The following SESTD1 variants were observed in gnomAD, a reference collection of about 807,000 sequenced individuals.
SESTD1 encodes the protein SEC14 domain and spectrin repeat-containing protein 1.
In SESTD1, 43 loss-of-function variants were observed where a neutral mutation model predicts 101.7. The observed-to-expected ratio is 0.42, with a 90% confidence interval of 0.33 to 0.55. The LOEUF is 0.55. Among genes scored for constraint, SESTD1 ranks in the 20% least tolerant of loss-of-function variants. SESTD1 has a pLI of 0.07. For synonymous variants in SESTD1, 283 were observed against 286.8 expected, an observed-to-expected ratio of 0.99 and a Z score of 0.13; for missense variants, 647 against 815.1, an observed-to-expected ratio of 0.79 and a Z score of 2.51.
chr2:179,134,834 T>G (rs960706444), intron 9 of SESTD1, among the ~76,000 whole-genome samples: 1 of 152,194 alleles, frequency 6.6e-6, no homozygotes, highest in African/African-American at 2.4e-5. Flanking sequence ...TTAATATACT[T>G]TATAAAATTG....
intron 9 of SESTD1, among the ~76,000 whole-genome samples, chr2:179,133,667 A>G (rs189526144): frequency 6.6e-6 from 1 of 152,232 alleles, no homozygotes; most frequent in Admixed American, 6.5e-5. Flanking sequence ...TCTCTGCAGC[A>G]TAATATTATA....
intron 3 of SESTD1, among the ~76,000 whole-genome samples, chr2:179,182,666 A>C (rs2046135984): frequency 6.6e-6 from 1 of 152,172 alleles, no homozygotes; most frequent in African/African-American, 2.4e-5. Context: ...ACATTTTTTA[A>C]AATAAAAATA....
intron 1 of SESTD1, among the ~76,000 whole-genome samples, chr2:179,197,909 C>A (rs1272439008): frequency 6.6e-6 from 1 of 151,522 alleles, no homozygotes; most frequent in Non-Finnish European, 1.5e-5. Flanking sequence ...AACTAACGAG[C>A]AAAATAACCA....
chr2:179,259,816 C>A (rs1399725367), intron 1 of SESTD1, among the ~76,000 whole-genome samples: 1 of 152,158 alleles, frequency 6.6e-6, no homozygotes, highest in Non-Finnish European at 1.5e-5. Context: ...TAAGTGTTAT[C>A]TCATGTTACT....
intron 5 of SESTD1, among the ~76,000 whole-genome samples, chr2:179,151,820 T>C (rs937775668): frequency 1.3e-5 from 2 of 152,158 alleles, no homozygotes; most frequent in African/African-American, 4.8e-5. Flanking sequence ...TTTTCTAATG[T>C]TCCTTTGATT....
intron 1 of SESTD1, among the ~76,000 whole-genome samples, chr2:179,235,443 A>T (rs919256610): frequency 6.6e-6 from 1 of 152,242 alleles, no homozygotes. Flanking sequence ...TTCAAAATAA[A>T]ATAAATTTAG....
chr2:179,197,872 C>A (rs1434787034), intron 1 of SESTD1, among the ~76,000 whole-genome samples: 2 of 151,924 alleles, frequency 1.3e-5, no homozygotes, highest in Non-Finnish European at 2.9e-5. Flanking sequence ...ATTGTAAAGA[C>A]CATCGAGACT....
intron 9 of SESTD1, among the ~76,000 whole-genome samples, chr2:179,138,158 A>G (rs985394402): frequency 6.6e-6 from 1 of 152,202 alleles, no homozygotes; most frequent in Non-Finnish European, 1.5e-5. Flanking sequence ...TCTCGTTACC[A>G]TCATCACCAT....
At chr2:179,206,631 C>G (rs1334729754) in intron 1 of SESTD1, among the ~76,000 whole-genome samples, 2 of 134,840 alleles carry the variant, frequency 1.5e-5, no homozygotes, top group African/African-American at 5.9e-5. Context: ...TAGCTGAACT[C>G]TGTAATAATT....
intron 1 of SESTD1, among the ~76,000 whole-genome samples, chr2:179,193,002 G>A (rs1351352795): frequency 1.3e-5 from 2 of 152,128 alleles, no homozygotes; most frequent in East Asian, 1.9e-4. Context: ...CTTTGTATGA[G>A]TATATTACTT....
chr2:179,140,409 G>A (rs1038409744), intron 9 of SESTD1, among the ~76,000 whole-genome samples: 4 of 152,158 alleles, frequency 2.6e-5, no homozygotes, highest in African/African-American at 9.7e-5. Flanking sequence ...CATACAGAGA[G>A]AAGACAATGT....
chr2:179,160,301 G>A lies in SESTD1; in HGVS notation c.370-8910C>T, dbSNP rs181426805. On this transcript the variant is annotated intron_variant, in intron 5 of 17. Transcript: ENST00000428443. ...ATTTTCATCCTATGATTCTAAATAT[G>A]AAAACGAAGAAACAATGACACAATT... 3.3e-5 allele frequency among the ~76,000 whole-genome samples: 5 copies of A among 152,080 alleles called. No homozygotes were observed. The East Asian group carries it at 9.6e-4, about 29-fold the overall frequency.
In SESTD1 at chr2:179,245,765, G is replaced by A. The variant is rs558520922; in HGVS notation, c.-26+18734C>T. Among the ~76,000 whole-genome samples, 334 of 152,140 alleles carry A rather than the reference G, an allele frequency of 2.2e-3. 1 individual carries two copies. Among genetic ancestry groups the A allele is most frequent in the Non-Finnish European group, 3.9e-3 (262 of 67,988 alleles). On this transcript the variant is annotated intron_variant, in intron 1 of 17. Transcript: ENST00000428443. ...GACAAAAGAGAAACAGGGATGAACA[G>A]AAAATAAAATGGCAGACGTAAGCCC... is the stretch of plus-strand genomic sequence containing the variant.
At chr2:179,110,339 G>A (rs1161001609) in intron 17 of SESTD1, among the ~76,000 whole-genome samples, 2 of 152,158 alleles carry the variant, frequency 1.3e-5, no homozygotes, top group African/African-American at 4.8e-5. Context: ...CCAGAAGGAT[G>A]CACAAACATA....
chr2:179,172,695 GATT>G (rs977212370), intron 4 of SESTD1, among the ~76,000 whole-genome samples: 80 of 152,106 alleles, frequency 5.3e-4, no homozygotes, highest in African/African-American at 1.9e-3. Context: ...GATTTTACAT[GATT>G]ATTAACTTGA....
At chr2:179,137,857 TTA>T (rs1454560697) in intron 9 of SESTD1, among the ~76,000 whole-genome samples, 16 of 152,338 alleles carry the variant, frequency 1.1e-4, no homozygotes, top group Admixed American at 1.0e-3. Flanking sequence ...CAGTTTATAA[TTA>T]TCTTTAAACA....
At chr2:179,229,224 T>G (rs772829143) in intron 1 of SESTD1, among the ~76,000 whole-genome samples, 2 of 152,192 alleles carry the variant, frequency 1.3e-5, no homozygotes, top group Non-Finnish European at 2.9e-5. Flanking sequence ...CATTTGAATT[T>G]GTGGAATAGG....
chr2:179,243,991 GGT>G (rs1250497653), intron 1 of SESTD1, among the ~76,000 whole-genome samples: 2 of 150,106 alleles, frequency 1.3e-5, no homozygotes, highest in African/African-American at 4.9e-5. Context: ...CAAATGAGGT[GGT>G]GTACACTTGT....
chr2:179,229,944 T>G (rs2046958215), intron 1 of SESTD1, among the ~76,000 whole-genome samples: 1 of 150,084 alleles, frequency 6.7e-6, no homozygotes, highest in African/African-American at 2.4e-5. Flanking sequence ...TAAAACCCCC[T>G]AAAACAACAG....
Sources: allele counts gnomAD v4.1 joint callset (sites outside exome capture counted in the v4.1 genomes callset), GRCh38; gene constraint gnomAD v4.1.1; transcripts MANE v1.5; gene names NCBI Gene and HGNC (gene_info 2026-07-23, HGNC 2026-07-21).